Variants in ARSB observed in about 807,000 individuals in gnomAD.
ARSB encodes the protein N-acetylgalactosamine-4-sulfatase.
A neutral mutation model predicts 50.9 loss-of-function variants in ARSB; 41 were observed. The ratio of observed to expected loss-of-function variants is 0.81; its 90% confidence interval spans 0.63 to 1.04. The LOEUF (loss-of-function observed/expected upper bound fraction) is 1.04. Ranked by LOEUF, ARSB falls within the 50% of genes least tolerant of loss-of-function variation. ARSB has a pLI of 0.00. For synonymous variants in ARSB, 269 were observed against 284.8 expected (o/e 0.94, Z 0.56); for missense variants, 672 against 693.3 (o/e 0.97, Z 0.35).
At chr5:78,821,842 G>A (rs1310844151) in intron 6 of ARSB, among the ~76,000 whole-genome samples, 1 of 152,156 alleles carries the variant, frequency 6.6e-6, no homozygotes, top group Non-Finnish European at 1.5e-5. Flanking sequence ...TTTGGTGTGT[G>A]TACAGCTTTC....
At chr5:78,891,375 C>T (rs771924108) in intron 4 of ARSB, among the ~76,000 whole-genome samples, 6 of 152,142 alleles carry the variant, frequency 3.9e-5, no homozygotes, top group Non-Finnish European at 8.8e-5. Flanking sequence ...GGTCCCTGGT[C>T]AGTTATGTTG....
Position 78,955,473 on chromosome 5 carries a change from A to G in ARSB, c.720T>C (p.Ser240=). The G allele has an allele frequency of 1.2e-6, 2 of 1,614,162 alleles. No homozygotes were observed. Among genetic ancestry groups the G allele is most frequent in the Non-Finnish European group, 1.7e-6 (2 of 1,179,998 alleles). Residue 240 remains serine, a synonymous_variant, in exon 4 of 8, where the codon TCT becomes TCC. Coordinates refer to ENST00000264914, the MANE Select transcript of ARSB (RefSeq NM_000046.5). ...KPLFLYLALQ[S]VHEPLQVPEE... ...CAGGGACCTGAAGGGGCTCATGCAC[A>G]GACTGGAGAGCAAGGTAGAGAAACA...
intron 2 of ARSB, among the ~76,000 whole-genome samples, chr5:78,968,443 G>A (rs912374382): frequency 8.6e-5 from 13 of 151,614 alleles, no homozygotes; most frequent in Admixed American, 2.0e-4. Context: ...CACCTCCTGG[G>A]TTCATGCCCA....
intron 6 of ARSB, among the ~76,000 whole-genome samples, chr5:78,814,273 T>G (rs1247624970): frequency 6.6e-6 from 1 of 151,048 alleles, no homozygotes; most frequent in Non-Finnish European, 1.5e-5. Context: ...TTTTCAATAG[T>G]GTAACACACA....
intron 4 of ARSB, among the ~76,000 whole-genome samples, chr5:78,893,473 T>C (rs1748425265): frequency 6.6e-6 from 1 of 152,240 alleles, no homozygotes; most frequent in Non-Finnish European, 1.5e-5. Flanking sequence ...CTAATGCCAT[T>C]GCTTATAATG....
rs1014037623 is a variant in ARSB at position 78,867,105 on chromosome 5, C to T, written c.1142+18479G>A. Among the ~76,000 whole-genome samples, 7 of 152,174 alleles carry T rather than the reference C, an allele frequency of 4.6e-5. 1 individual carries two copies. In the South Asian group the frequency reaches 1.5e-3, roughly 32 times the overall value. On this transcript the variant is annotated intron_variant, in intron 5 of 7. Transcript: ENST00000264914. ...ACTCCCACCCGAATATTGCGCTTTT[C>T]AGACTGGCTTAAAAAACGGCGTACC...
chr5:78,963,047 G>A (rs962833205), intron 3 of ARSB, among the ~76,000 whole-genome samples: 2 of 152,216 alleles, frequency 1.3e-5, no homozygotes, highest in African/African-American at 4.8e-5. Flanking sequence ...CCCAGTGGGA[G>A]CCTAATGGCA....
intron 5 of ARSB, among the ~76,000 whole-genome samples, chr5:78,843,851 C>G (rs1379688962): frequency 6.6e-6 from 1 of 152,210 alleles, no homozygotes; most frequent in African/African-American, 2.4e-5. Flanking sequence ...ATAATGTTTT[C>G]AAGGATCATC....
intron 5 of ARSB, among the ~76,000 whole-genome samples, chr5:78,860,850 T>C (rs1746399397): frequency 6.6e-6 from 1 of 151,656 alleles, no homozygotes; most frequent in South Asian, 2.1e-4. Context: ...ATCAACAAAA[T>C]TGATAGACCA....
intron 1 of ARSB, among the ~76,000 whole-genome samples, chr5:78,979,335 T>C (rs908636673): frequency 1.3e-5 from 2 of 152,206 alleles, no homozygotes; most frequent in Admixed American, 6.5e-5. Context: ...AAAAAGATAA[T>C]GACAAGTGTT....
chr5:78,930,314 A>ACT (rs1393966398), intron 4 of ARSB, among the ~76,000 whole-genome samples: 4 of 152,180 alleles, frequency 2.6e-5, no homozygotes, highest in Admixed American at 1.3e-4. Context: ...CAGGTATATA[A>ACT]CTTTTTTGGT....
intron 6 of ARSB, among the ~76,000 whole-genome samples, chr5:78,804,490 A>G (rs752449231): frequency 2.6e-5 from 4 of 152,218 alleles, no homozygotes; most frequent in Non-Finnish European, 5.9e-5. Context: ...AATGGAAACC[A>G]CTGTACAATT....
chr5:78,843,424 G>A (rs888842846), intron 5 of ARSB, among the ~76,000 whole-genome samples: 5 of 152,060 alleles, frequency 3.3e-5, no homozygotes, highest in Non-Finnish European at 7.4e-5. Context: ...TCTCAACCTT[G>A]GCTGCACAAT....
chr5:78,809,761 G>A lies in ARSB; in HGVS notation c.1214-27787C>T, dbSNP rs537622242. Among the ~76,000 whole-genome samples, 5 of 152,370 alleles carry A rather than the reference G, an allele frequency of 3.3e-5. No homozygotes were observed. In the South Asian group the frequency reaches 8.3e-4, roughly 25 times the overall value. On this transcript the variant is annotated intron_variant, in intron 6 of 7. Coordinates refer to ENST00000264914, the MANE Select transcript of ARSB (RefSeq NM_000046.5). ...ATCACGTCCTGGCAACCTGCCCATC[G>A]GACCTGGAGCCAGCCTTGCCCTCTC...
intron 5 of ARSB, among the ~76,000 whole-genome samples, chr5:78,857,273 C>A (rs1746194963): frequency 6.6e-6 from 1 of 152,148 alleles, no homozygotes; most frequent in African/African-American, 2.4e-5. Context: ...ATGAGAGTCT[C>A]TTTTTGGAAA....
chr5:78,811,866 T>C (rs867173589), intron 6 of ARSB, among the ~76,000 whole-genome samples: 2 of 152,244 alleles, frequency 1.3e-5, no homozygotes, highest in South Asian at 4.1e-4. Flanking sequence ...AGAAACTTAA[T>C]ATTGAAAAAA....
intron 4 of ARSB, among the ~76,000 whole-genome samples, chr5:78,897,073 G>C (rs1479423198): frequency 6.6e-6 from 1 of 151,906 alleles, no homozygotes; most frequent in East Asian, 1.9e-4. Context: ...AGAGAGAGCA[G>C]GGATAAATGC....
At chr5:78,801,748 C>CCT (rs1409220610) in intron 6 of ARSB, among the ~76,000 whole-genome samples, 1 of 152,130 alleles carries the variant, frequency 6.6e-6, no homozygotes. Context: ...CCCAGAAAAC[C>CCT]CTCTCATGCA....
chr5:78,911,966 A>C (rs1057425600), intron 4 of ARSB, among the ~76,000 whole-genome samples: 12 of 152,220 alleles, frequency 7.9e-5, no homozygotes, highest in African/African-American at 2.9e-4. Flanking sequence ...AAATAGAAAA[A>C]AGGTGGTATT....
Sources: allele counts gnomAD v4.1 joint callset (sites outside exome capture counted in the v4.1 genomes callset), GRCh38; gene constraint gnomAD v4.1.1; transcripts MANE v1.5; gene names NCBI Gene and HGNC (gene_info 2026-07-23, HGNC 2026-07-21).